The following BRCA1 variants were observed in gnomAD, a reference collection of about 807,000 sequenced individuals.
BRCA1 encodes BRCA1 DNA repair associated.
BRCA1 carries 140 observed loss-of-function variants against 173.7 expected under a neutral mutation model. The ratio of observed to expected loss-of-function variants is 0.81; its 90% confidence interval spans 0.70 to 0.93. The LOEUF (loss-of-function observed/expected upper bound fraction) is 0.93, where lower values mean the gene tolerates loss of function less well. Ranked by LOEUF, BRCA1 falls within the 40% of genes least tolerant of loss-of-function variation. The pLI is 0.00. For synonymous variants in BRCA1, 662 were observed against 756.0 expected, an observed-to-expected ratio of 0.88 and a Z score of 2.04; for missense variants, 1,983 against 2,172.5, an observed-to-expected ratio of 0.91 and a Z score of 1.73.
At chr17:43,110,587 C>CA (rs201518255) in intron 3 of BRCA1, 11,115 of 270,794 alleles carry the variant, frequency 0.041, 4 homozygotes, top group South Asian at 0.056. Flanking sequence ...GACCCTGTCT[C>CA]AAAAAAAAAA....
At chr17:43,138,107 G>A (rs371517216) in intron 1 of BRCA1, 3 of 161,448 alleles carry the variant, frequency 1.9e-5, no homozygotes, top group Non-Finnish European at 4.1e-5. Flanking sequence ...TTGCCTGAAC[G>A]CAGGAGGCAG....
chr17:43,143,435 C>T (rs562107476), intron 1 of BRCA1, among the ~76,000 whole-genome samples: 35 of 152,288 alleles, frequency 2.3e-4, no homozygotes, highest in African/African-American at 8.2e-4. Flanking sequence ...CCCCACAGCA[C>T]GCACACAGGG....
At position 43,090,805 on chromosome 17, in the gene BRCA1, T is replaced by G. The variant is rs2011656705; in HGVS notation, c.4185+139A>C. On this transcript the variant is annotated intron_variant, in intron 11 of 22. Coordinates refer to ENST00000357654, the MANE Select transcript of BRCA1 (RefSeq NM_007294.4). ...CCATCAAGGTGCTTACAGTCTAATTTAAGGAGACAATGAACCACAAACAAT... is the reference window on the plus strand; with the variant it reads ...CCATCAAGGTGCTTACAGTCTAATTGAAGGAGACAATGAACCACAAACAAT... The G allele has an allele frequency of 4.7e-6, 4 of 847,060 alleles. No homozygotes were observed. The African/African-American group carries it at 5.0e-5, about 11-fold the overall frequency. The allele number at this position is 847,060 out of a possible 1,614,324, so 52.5% of individuals were successfully genotyped here.
At chr17:43,067,581 G>T (rs758630283) in intron 16 of BRCA1, 27 bp downstream of exon 16, 2 of 1,558,654 alleles carry the variant, frequency 1.3e-6, no homozygotes, top group Admixed American at 3.3e-5. Flanking sequence ...GCAGATGCAA[G>T]GTATTCTGTA....
intron 1 of BRCA1, among the ~76,000 whole-genome samples, chr17:43,141,043 C>T (rs1465449334): frequency 6.6e-6 from 1 of 152,202 alleles, no homozygotes; most frequent in East Asian, 1.9e-4. Context: ...TAAGAGCTGG[C>T]CCTCTGAGCT....
chr17:43,124,030 C>G lies in BRCA1; in HGVS notation c.67G>C (p.Glu23Gln), dbSNP rs372047427. 6.2e-7 allele frequency: 1 copy of G among 1,613,068 alleles called. No homozygotes were observed. The highest frequency in any genetic ancestry group is 8.5e-7 in the Non-Finnish European group (1 of 1,179,130). ...NVINAMQKIL[E>Q]CPICLELIKE... ...GTGCTGACTTACCAGATGGGACACT[C>G]TAAGATTTTCTGCATAGCATTAATG... The change falls in exon 2 of 23, where the codon GAG becomes CAG. Residue 23 changes from glutamate to glutamine, a missense_variant. Transcript: ENST00000357654.
At chr17:43,104,030 C>T (rs2054603234) in intron 6 of BRCA1, 92 bp downstream of exon 6, 1 of 1,482,552 alleles carries the variant, frequency 6.7e-7, no homozygotes, top group African/African-American at 1.4e-5. Flanking sequence ...CTGCTTCTAG[C>T]CTGGGCCACA....
chr17:43,098,312 T>G (rs1015333626), intron 7 of BRCA1, among the ~76,000 whole-genome samples: 1 of 152,028 alleles, frequency 6.6e-6, no homozygotes, highest in Non-Finnish European at 1.5e-5. Flanking sequence ...GCTACTATGC[T>G]GGCCTCAACT....
intron 6 of BRCA1, among the ~76,000 whole-genome samples, chr17:43,102,322 C>T (rs1216786444): frequency 6.7e-6 from 1 of 148,842 alleles, no homozygotes; most frequent in East Asian, 2.0e-4. Context: ...CCACTTGACT[C>T]GGCCTCCCAA....
upstream of BRCA1, among the ~76,000 whole-genome samples, chr17:43,127,868 C>G (rs181420637): frequency 1.6e-5 from 2 of 124,762 alleles, no homozygotes; most frequent in East Asian, 3.9e-4. Flanking sequence ...ACTAAAAAGA[C>G]AAAATATTAG....
chr17:43,127,045 G>T (rs957984501), upstream of BRCA1, among the ~76,000 whole-genome samples: 13 of 152,226 alleles, frequency 8.5e-5, no homozygotes, highest in African/African-American at 3.1e-4. Context: ...CCGGGCCCCA[G>T]CCGCCCTGCA....
In BRCA1 at chr17:43,092,418, T is replaced by C. The variant is rs16941; in HGVS notation, c.3113A>G (p.Glu1038Gly). ...RNNIRENVFK[E>G]ASSSNINEVG... Reference sequence around the variant, plus strand: ...TTCATTAATATTGCTTGAGCTGGCTTCTTTAAAAACATTTTCTCTAATGTT... The same window carrying C: ...TTCATTAATATTGCTTGAGCTGGCTCCTTTAAAAACATTTTCTCTAATGTT... Residue 1038 changes from glutamate to glycine, a missense_variant, in exon 10 of 23, where the codon GAA becomes GGA. Glu to Gly is a moderately conservative substitution (Grantham distance 98). Transcript: ENST00000357654. The C allele has an allele frequency of 0.33, 538,509 of 1,613,370 alleles. 92,638 individuals carry two copies. The highest frequency in any genetic ancestry group is 0.5 in the South Asian group (45,368 of 91,048).
Position 43,044,365 on chromosome 17 carries a change from T to C in BRCA1, c.*1313A>G. On this transcript the variant is annotated 3_prime_UTR_variant, in exon 23 of 23. Coordinates refer to ENST00000357654, the MANE Select transcript of BRCA1 (RefSeq NM_007294.4). Reference sequence around the variant, plus strand: ...CATTTACAAAACGTATTTTGTACAATCAAGTCTTCACTGCCCTTGCACACT... The same window carrying C: ...CATTTACAAAACGTATTTTGTACAACCAAGTCTTCACTGCCCTTGCACACT... 1 of 501,824 alleles carries C rather than the reference T, an allele frequency of 2.0e-6. No individual in the cohort carries two copies. The highest frequency in any genetic ancestry group is 1.5e-5 in the South Asian group (1 of 64,586). 31.1% of individuals were successfully genotyped at this position (501,824 alleles called of 1,614,324 possible). A position where few individuals can be genotyped will look rare whatever the true frequency, so the allele number is the denominator to read the frequency against.
In BRCA1 at chr17:43,044,321, T is replaced by C; in HGVS notation, c.*1357A>G. Reference sequence around the variant, plus strand: ...GGAAGTGTTTGCTACCAAGTTTATTTGCAGTGTTAACAGCACAACATTTAC... The same window carrying C: ...GGAAGTGTTTGCTACCAAGTTTATTCGCAGTGTTAACAGCACAACATTTAC... On this transcript the variant is annotated 3_prime_UTR_variant, in exon 23 of 23. Transcript: ENST00000357654. The C allele has an allele frequency of 2.1e-6, 1 of 481,010 alleles. No individual in the cohort carries two copies. Among genetic ancestry groups the C allele is most frequent in the Non-Finnish European group, 4.1e-6 (1 of 243,146 alleles). 29.8% of individuals were successfully genotyped at this position (481,010 alleles called of 1,614,324 possible).
At position 43,132,130 on chromosome 17, in the gene BRCA1, A is replaced by G. The variant is rs149267087; in HGVS notation, c.-19-8015T>C. Among the ~76,000 whole-genome samples the G allele has an allele frequency of 4.0e-3, 602 of 152,258 alleles. 5 individuals are homozygous for G. Among genetic ancestry groups the G allele is most frequent in the African/African-American group, 0.014 (579 of 41,556 alleles). On this transcript the variant is annotated intron_variant, in intron 1 of 7. Coordinates refer to the BRCA1 transcript ENST00000634433. ...CTCACATCAACTGACATTTGCCCCA[A>G]TTTACAGATGAGGAACTGAGGCACA...
At chr17:43,151,520 G>A (rs189445091) in intron 1 of BRCA1, among the ~76,000 whole-genome samples, 1 of 152,102 alleles carries the variant, frequency 6.6e-6, no homozygotes, top group East Asian at 1.9e-4. Context: ...AACCAAAAGA[G>A]GATTTTCAGT....
chr17:43,138,265 G>A, intron 1 of BRCA1: 1 of 208,660 alleles, frequency 4.8e-6, no homozygotes, highest in South Asian at 9.2e-5. Flanking sequence ...TTCTCTGGCA[G>A]CCTTTTTCAA....
chr17:43,074,303 T>C (rs763538386), intron 14 of BRCA1, 28 bp downstream of exon 14: 3 of 1,612,364 alleles, frequency 1.9e-6, no homozygotes, highest in Non-Finnish European at 2.5e-6. Context: ...TCAAAGTGTT[T>C]GTTCCAATAC....
intron 1 of BRCA1, chr17:43,144,982 C>G (rs1221878869): frequency 6.2e-6 from 4 of 643,120 alleles, no homozygotes; most frequent in Non-Finnish European, 1.2e-5. Context: ...TCAGCTCCAC[C>G]GAAGGGGCTG....
Sources: allele counts gnomAD v4.1 joint callset (sites outside exome capture counted in the v4.1 genomes callset), GRCh38; gene constraint gnomAD v4.1.1; transcripts MANE v1.5; gene names NCBI Gene and HGNC (gene_info 2026-07-23, HGNC 2026-07-21).